AHCY: variants seen among roughly 807,000 people sequenced by gnomAD.
AHCY encodes the protein adenosylhomocysteinase.
AHCY carries 24 observed loss-of-function variants against 45.4 expected under a neutral mutation model. The ratio of observed to expected loss-of-function variants is 0.53; its 90% confidence interval spans 0.38 to 0.74. The LOEUF (loss-of-function observed/expected upper bound fraction) is 0.74. AHCY is among the 30% of genes least tolerant of loss of function. The pLI, the probability that AHCY is intolerant of heterozygous loss-of-function variation, is 0.00. For missense variants in AHCY, 449 were observed against 594.1 expected (o/e 0.76, Z 2.54); for synonymous variants, 245 against 235.1 (o/e 1.04, Z -0.39).
chr20:34,288,261 G>A (rs1426775384), intron 8 of AHCY, among the ~76,000 whole-genome samples: 1 of 152,188 alleles, frequency 6.6e-6, no homozygotes, highest in Non-Finnish European at 1.5e-5. Context: ...TGGGCTTCTG[G>A]TGTGGCTGTG....
chr20:34,257,068 CTCTTTTT>C, the AHCY span, among the ~76,000 whole-genome samples: 3 of 107,600 alleles, frequency 2.8e-5, no homozygotes, highest in South Asian at 2.6e-4. Context: ...CTCTTTCTTT[CTCTTTTT>C]TTTTTTTGTT....
At chr20:34,247,539 C>T in the AHCY span, among the ~76,000 whole-genome samples, 1 of 151,856 alleles carries the variant, frequency 6.6e-6, no homozygotes, top group Non-Finnish European at 1.5e-5. Flanking sequence ...CCTCGTGATC[C>T]ACCCACCTCA....
At chr20:34,239,368 C>G in the AHCY span, among the ~76,000 whole-genome samples, 1 of 152,136 alleles carries the variant, frequency 6.6e-6, no homozygotes, top group African/African-American at 2.4e-5. Context: ...AGGCACCTGC[C>G]ACCACACCTG....
chr20:34,302,881 G>A (rs991449482), intron 1 of AHCY: 1 of 985,338 alleles, frequency 1.0e-6, no homozygotes, highest in African/African-American at 1.7e-5. Context: ...ACAGGGTCCG[G>A]TCCAGGCCTA....
the AHCY span, among the ~76,000 whole-genome samples, chr20:34,255,750 C>A: frequency 1.0e-3 from 154 of 152,294 alleles, no homozygotes; most frequent in African/African-American, 3.5e-3. Flanking sequence ...CTGTTACGCC[C>A]GGACAGGGCC....
chr20:34,260,368 T>A, the AHCY span: 1 of 1,612,752 alleles, frequency 6.2e-7, no homozygotes, highest in Non-Finnish European at 8.5e-7. Flanking sequence ...CACTCAGGCC[T>A]CCTGGGATGG....
the AHCY span, among the ~76,000 whole-genome samples, chr20:34,256,184 C>T: frequency 1.3e-5 from 2 of 152,238 alleles, no homozygotes; most frequent in East Asian, 1.9e-4. Flanking sequence ...AGGGAAGGGC[C>T]TCCTGTCTGG....
chr20:34,264,551 A>C, the AHCY span, among the ~76,000 whole-genome samples: 1 of 152,208 alleles, frequency 6.6e-6, no homozygotes. Context: ...AAGAGTCATG[A>C]CATTACAAGA....
At chr20:34,240,880 G>A in the AHCY span, among the ~76,000 whole-genome samples, 3 of 152,092 alleles carry the variant, frequency 2.0e-5, no homozygotes, top group Non-Finnish European at 4.4e-5. Context: ...GGAGAAATAT[G>A]GGAAGAACAG....
chr20:34,234,313 C>G, the AHCY span, among the ~76,000 whole-genome samples: 1 of 152,070 alleles, frequency 6.6e-6, no homozygotes, highest in African/African-American at 2.4e-5. Context: ...ACCACTAGTG[C>G]CTAAGAATCA....
At chr20:34,268,697 G>A in the AHCY span, among the ~76,000 whole-genome samples, 1 of 151,870 alleles carries the variant, frequency 6.6e-6, no homozygotes, top group African/African-American at 2.4e-5. Context: ...TCGCGCCACT[G>A]CAGTCCAGCC....
chr20:34,300,493 C>T (rs1335883250), intron 1 of AHCY, among the ~76,000 whole-genome samples: 2 of 151,920 alleles, frequency 1.3e-5, no homozygotes, highest in Non-Finnish European at 1.5e-5. Flanking sequence ...TTCAGGCAAG[C>T]TCCACTCATT....
the AHCY span, among the ~76,000 whole-genome samples, chr20:34,259,439 G>A: frequency 6.6e-6 from 1 of 151,916 alleles, no homozygotes; most frequent in Non-Finnish European, 1.5e-5. Flanking sequence ...CTTGAACCTG[G>A]GAGGAGGAGG....
At chr20:34,303,560 G>A (rs1007711850), upstream of AHCY, among the ~76,000 whole-genome samples, 1 of 152,238 alleles carries the variant, frequency 6.6e-6, no homozygotes, top group African/African-American at 2.4e-5. Flanking sequence ...GAGCCAGCCG[G>A]GCCGTCCTCT....
rs13245 is a variant in AHCY at position 34,280,733 on chromosome 20, A to C, written c.*301T>G. ...AACACATGGGCTTTGTGACTCCACT[A>C]CTGACTTCCAGGCTAAGGAAGGACT... is the stretch of plus-strand genomic sequence containing the variant. On this transcript the variant is annotated 3_prime_UTR_variant, in exon 10 of 10. Coordinates refer to ENST00000217426, the MANE Select transcript of AHCY (RefSeq NM_000687.4). The C allele has an allele frequency of 4.8e-3, 2,154 of 445,170 alleles. 37 individuals carry two copies. Among genetic ancestry groups the C allele is most frequent in the African/African-American group, 0.038 (1,877 of 50,006 alleles). The allele number at this position is 445,170 out of a possible 1,614,324, so 27.6% of individuals were successfully genotyped here.
intron 9 of AHCY, among the ~76,000 whole-genome samples, chr20:34,282,024 G>T (rs1264719702): frequency 6.6e-6 from 1 of 152,184 alleles, no homozygotes; most frequent in Non-Finnish European, 1.5e-5. Context: ...GATTAAACTG[G>T]TTGCTTTTTT....
upstream of AHCY, among the ~76,000 whole-genome samples, chr20:34,306,955 C>T (rs1011748556): frequency 6.6e-6 from 1 of 152,106 alleles, no homozygotes. Flanking sequence ...AAAAGGGCAA[C>T]ATGAGGAAAC....
chr20:34,251,168 C>T, the AHCY span, among the ~76,000 whole-genome samples: 1 of 152,054 alleles, frequency 6.6e-6, no homozygotes, highest in Non-Finnish European at 1.5e-5. Flanking sequence ...CTTTCCATGC[C>T]CTCTTTTCCA....
chr20:34,274,176 T>C, the AHCY span, among the ~76,000 whole-genome samples: 1 of 152,180 alleles, frequency 6.6e-6, no homozygotes, highest in Non-Finnish European at 1.5e-5. Context: ...GCCTGTGTGG[T>C]CTGCAGTTAT....
Sources: gnomAD v4.1 joint callset for allele counts (sites outside exome capture counted in the v4.1 genomes callset) on GRCh38, gnomAD v4.1.1 for gene constraint, MANE v1.5 for transcripts, NCBI Gene and HGNC (gene_info 2026-07-23, HGNC 2026-07-21) for gene names.